Variants in FBXL17 observed in about 807,000 individuals in gnomAD.
The protein encoded by FBXL17 is F-box and leucine rich repeat protein 17.
FBXL17 carries 22 observed loss-of-function variants against 66.2 expected under a neutral mutation model. The observed-to-expected ratio is 0.33, with a 90% CI of 0.24 to 0.47. The LOEUF (loss-of-function observed/expected upper bound fraction) is 0.47. Ranked by LOEUF, FBXL17 falls within the 20% of genes least tolerant of loss-of-function variation. The pLI, the probability that FBXL17 is intolerant of heterozygous loss-of-function variation, is 1.00. For missense variants in FBXL17, 878 were observed against 948.2 expected, an observed-to-expected ratio of 0.93 and a Z score of 0.97; for synonymous variants, 474 against 400.5, an observed-to-expected ratio of 1.18 and a Z score of -2.19.
chr5:108,125,004 C>T (rs557553926), intron 6 of FBXL17, among the ~76,000 whole-genome samples: 2 of 152,038 alleles, frequency 1.3e-5, no homozygotes, highest in South Asian at 4.1e-4. Context: ...CTAAACCATC[C>T]CTGAAATTAT....
chr5:108,152,801 A>G (rs1444430622), intron 6 of FBXL17, among the ~76,000 whole-genome samples: 1 of 152,200 alleles, frequency 6.6e-6, no homozygotes, highest in Non-Finnish European at 1.5e-5. Flanking sequence ...AAATGCAAAC[A>G]TTGCATGAGA....
chr5:107,898,691 A>C (rs1749466077), intron 7 of FBXL17, among the ~76,000 whole-genome samples: 1 of 151,254 alleles, frequency 6.6e-6, no homozygotes, highest in Non-Finnish European at 1.5e-5. Context: ...TCATTGTTCA[A>C]CTCCCACTTA....
intron 4 of FBXL17, among the ~76,000 whole-genome samples, chr5:108,275,914 T>A (rs1397345647): frequency 6.6e-6 from 1 of 152,172 alleles, no homozygotes; most frequent in African/African-American, 2.4e-5. Context: ...GGATGAGGAA[T>A]GTTGGCAGGA....
chr5:108,318,456 A>G (rs1316905813), intron 4 of FBXL17, among the ~76,000 whole-genome samples: 1 of 151,874 alleles, frequency 6.6e-6, no homozygotes, highest in Non-Finnish European at 1.5e-5. Context: ...AAACATGTAT[A>G]CAGGAAAAAA....
At chr5:107,965,898 T>C (rs1752119780) in intron 7 of FBXL17, among the ~76,000 whole-genome samples, 1 of 152,120 alleles carries the variant, frequency 6.6e-6, no homozygotes, top group South Asian at 2.1e-4. Context: ...CAAATAGCTA[T>C]TTTGGTGATA....
At chr5:107,992,460 A>G (rs1012264460) in intron 7 of FBXL17, among the ~76,000 whole-genome samples, 4 of 152,318 alleles carry the variant, frequency 2.6e-5, no homozygotes, top group Admixed American at 6.5e-5. Flanking sequence ...AAAAAAGGCT[A>G]TAAGTCTCCC....
At chr5:108,314,912 G>T (rs943709881) in intron 4 of FBXL17, among the ~76,000 whole-genome samples, 1 of 151,048 alleles carries the variant, frequency 6.6e-6, no homozygotes, top group African/African-American at 2.4e-5. Context: ...TATGTCTGTT[G>T]TATTATTAAA....
At chr5:107,984,628 C>T (rs897988500) in intron 7 of FBXL17, among the ~76,000 whole-genome samples, 56 of 152,168 alleles carry the variant, frequency 3.7e-4, no homozygotes, top group African/African-American at 1.3e-3. Flanking sequence ...TAGAATGAAA[C>T]CATTGAAGCA....
chr5:108,320,185 TTC>T, intron 4 of FBXL17, among the ~76,000 whole-genome samples: 1 of 151,926 alleles, frequency 6.6e-6, no homozygotes, highest in East Asian at 1.9e-4. Context: ...TTTTACGCCC[TTC>T]TTTGTTTTTG....
chr5:108,041,551 A>C (rs943873254), intron 6 of FBXL17, among the ~76,000 whole-genome samples: 1 of 151,922 alleles, frequency 6.6e-6, no homozygotes. Flanking sequence ...CAAGCAGCTA[A>C]GACTACAGGC....
chr5:108,375,370 C>CACACACAA lies in FBXL17; in HGVS notation c.993+5328_993+5329insTTGTGTGT, dbSNP rs1241224173. Reference sequence around the variant, plus strand: ...AAGCCTGGGTGACAGAGACCCTGCACACACACACACACACACACACACACA... The same window carrying CACACACAA: ...AAGCCTGGGTGACAGAGACCCTGCACACACACAAACACACACACACACACACACACACA... On this transcript the variant is annotated intron_variant, in intron 1 of 8. Coordinates refer to ENST00000542267, the MANE Select transcript of FBXL17 (RefSeq NM_001163315.3). Among the ~76,000 whole-genome samples the CACACACAA allele has an allele frequency of 4.1e-5, 4 of 98,640 alleles. No individual in the cohort carries two copies. The South Asian group carries it at 1.4e-3, about 35-fold the overall frequency. The allele number at this position is 98,640 out of a possible 152,430, so 64.7% of individuals were successfully genotyped here.
intron 5 of FBXL17, among the ~76,000 whole-genome samples, chr5:108,222,792 G>A (rs1754926203): frequency 1.3e-5 from 2 of 148,796 alleles, no homozygotes; most frequent in South Asian, 4.3e-4. Flanking sequence ...TCCCATCTCA[G>A]CCTCCCAAGT....
At chr5:107,993,243 T>A (rs1753331576) in intron 7 of FBXL17, among the ~76,000 whole-genome samples, 1 of 152,094 alleles carries the variant, frequency 6.6e-6, no homozygotes, top group African/African-American at 2.4e-5. Context: ...TATTCCTCAA[T>A]TTTTTTCTCT....
intron 7 of FBXL17, among the ~76,000 whole-genome samples, chr5:107,972,394 G>A (rs573019936): frequency 3.4e-4 from 52 of 152,180 alleles, no homozygotes; most frequent in African/African-American, 1.0e-3. Context: ...TGTCTGGCTC[G>A]TTTCTACCAT....
At chr5:108,150,128 C>A (rs1490041597) in intron 6 of FBXL17, among the ~76,000 whole-genome samples, 1 of 152,176 alleles carries the variant, frequency 6.6e-6, no homozygotes, top group African/African-American at 2.4e-5. Flanking sequence ...AACATCATAA[C>A]ATGTTACCCC....
intron 4 of FBXL17, among the ~76,000 whole-genome samples, chr5:108,293,087 C>T (rs1375335168): frequency 8.6e-6 from 1 of 116,480 alleles, no homozygotes; most frequent in Non-Finnish European, 1.8e-5. Context: ...GACTCTGTCT[C>T]AAAAAAAAAA....
intron 5 of FBXL17, among the ~76,000 whole-genome samples, 163 bp from the exon 6 acceptor site, chr5:108,186,410 C>T (rs372172950): frequency 6.6e-6 from 1 of 152,092 alleles, no homozygotes; most frequent in Non-Finnish European, 1.5e-5. Flanking sequence ...ATATTTTATA[C>T]ACTAAATTAA....
intron 4 of FBXL17, among the ~76,000 whole-genome samples, chr5:108,324,402 C>T (rs1759755867): frequency 6.6e-6 from 1 of 151,924 alleles, no homozygotes; most frequent in South Asian, 2.1e-4. Flanking sequence ...AAGATGTCTA[C>T]TATAAAAATA....
chr5:108,064,500 A>G (rs972763227), intron 6 of FBXL17, among the ~76,000 whole-genome samples: 2 of 152,136 alleles, frequency 1.3e-5, no homozygotes, highest in African/African-American at 4.8e-5. Context: ...AGCTTTGCAG[A>G]GCCTCTCAAT....
Sources: allele counts gnomAD v4.1 joint callset (sites outside exome capture counted in the v4.1 genomes callset), GRCh38; gene constraint gnomAD v4.1.1; transcripts MANE v1.5; gene names NCBI Gene and HGNC (gene_info 2026-07-23, HGNC 2026-07-21).